The following CALCR variants were observed in gnomAD, a reference collection of about 807,000 sequenced individuals.
CALCR encodes calcitonin receptor.
In CALCR, 47 loss-of-function variants were observed where a neutral mutation model predicts 59.5. The ratio of observed to expected loss-of-function variants is 0.79; its 90% CI spans 0.63 to 1.01. The LOEUF is 1.01. CALCR is among the 50% of genes least tolerant of loss of function. CALCR has a pLI of 0.00. For missense variants in CALCR, 566 were observed against 597.1 expected (o/e 0.95, Z 0.54); for synonymous variants, 213 against 211.3 (o/e 1.01, Z -0.07).
At chr7:93,487,904 A>G (rs1800984920) in intron 2 of CALCR, among the ~76,000 whole-genome samples, 1 of 151,608 alleles carries the variant, frequency 6.6e-6, no homozygotes, top group Non-Finnish European at 1.5e-5. Flanking sequence ...GGAAATACAG[A>G]GAACACCACT....
rs868488271 is a variant in CALCR, at chr7:93,532,602, C to G, written c.-27+41687G>C. Among the ~76,000 whole-genome samples the G allele has an allele frequency of 1.3e-4, 19 of 151,912 alleles. No homozygotes were observed. The Middle Eastern group carries it at 0.01, about 82-fold the overall frequency. On this transcript the variant is annotated intron_variant, in intron 2 of 13. Transcript: ENST00000426151. ...CAGTCAATGGCTGATATACATGAAACAAAATTATTAAAGCACTTTATATCA... is the reference window on the plus strand; with the variant it reads ...CAGTCAATGGCTGATATACATGAAAGAAAATTATTAAAGCACTTTATATCA...
chr7:93,428,243 T>C (rs1340452598), intron 13 of CALCR, among the ~76,000 whole-genome samples: 2 of 152,240 alleles, frequency 1.3e-5, no homozygotes, highest in South Asian at 2.1e-4. Flanking sequence ...TTAACTTATT[T>C]AATCCTCACA....
intron 2 of CALCR, among the ~76,000 whole-genome samples, chr7:93,502,312 T>G (rs980457580): frequency 6.6e-6 from 1 of 152,154 alleles, no homozygotes; most frequent in Non-Finnish European, 1.5e-5. Context: ...GATTAAGATC[T>G]CACAGTCAAT....
intron 2 of CALCR, among the ~76,000 whole-genome samples, chr7:93,544,152 C>T (rs1789222001): frequency 6.6e-6 from 1 of 151,568 alleles, no homozygotes; most frequent in Admixed American, 6.6e-5. Context: ...AAAACTATAT[C>T]CTGCTTACAT....
chr7:93,433,566 G>A (rs1182822094), intron 13 of CALCR, among the ~76,000 whole-genome samples: 73 of 152,154 alleles, frequency 4.8e-4, no homozygotes, highest in Admixed American at 4.8e-3. Context: ...CCTGAAAAAT[G>A]AGGAAGATTT....
At chr7:93,460,566 A>ATATATATAT (rs1399357588) in intron 8 of CALCR, among the ~76,000 whole-genome samples, 1 of 82,290 alleles carries the variant, frequency 1.2e-5, no homozygotes, top group African/African-American at 9.8e-5. Flanking sequence ...AAAAAAAAAA[A>ATATATATAT]AAAAAAATAT....
chr7:93,451,620 G>A (rs1177934167), intron 8 of CALCR, among the ~76,000 whole-genome samples: 1 of 151,852 alleles, frequency 6.6e-6, no homozygotes. Flanking sequence ...CACTTCATGG[G>A]GTCATCACAC....
chr7:93,504,652 C>A (rs1368924691), intron 2 of CALCR, among the ~76,000 whole-genome samples: 1 of 152,098 alleles, frequency 6.6e-6, no homozygotes, highest in Non-Finnish European at 1.5e-5. Flanking sequence ...TATTCCTTTT[C>A]TTTCCTTTTT....
chr7:93,554,265 A>C, intron 2 of CALCR, among the ~76,000 whole-genome samples: 1 of 152,196 alleles, frequency 6.6e-6, no homozygotes, highest in East Asian at 1.9e-4. Context: ...CATCATTTCT[A>C]TTACAAGTCA....
intron 2 of CALCR, among the ~76,000 whole-genome samples, chr7:93,560,387 T>C (rs1789718234): frequency 6.6e-6 from 1 of 152,086 alleles, no homozygotes. Context: ...ACTATTGGTA[T>C]CTATAATTTT....
intron 2 of CALCR, among the ~76,000 whole-genome samples, chr7:93,540,871 A>T (rs1263854699): frequency 6.6e-6 from 1 of 151,394 alleles, no homozygotes; most frequent in Non-Finnish European, 1.5e-5. Flanking sequence ...TTTCTCTGTA[A>T]ATCAACTTAA....
Position 93,480,826 on chromosome 7 carries a change from C to T in CALCR, c.52-1319G>A, listed in dbSNP as rs532169554. 4.6e-5 allele frequency among the ~76,000 whole-genome samples: 7 copies of T among 151,736 alleles called. No homozygotes were observed. The East Asian group carries it at 7.8e-4, about 17-fold the overall frequency. On this transcript the variant is annotated intron_variant, in intron 3 of 13. Transcript: ENST00000426151. ...TTTCTGCATAGGCACAAGGGGGGGT[C>T]GAGAAGCCTTTTGGGATGGAGGGAC...
intron 9 of CALCR, among the ~76,000 whole-genome samples, chr7:93,439,651 C>T (rs904323677): frequency 1.3e-5 from 2 of 151,842 alleles, no homozygotes; most frequent in African/African-American, 4.8e-5. Context: ...AGATCCATAA[C>T]AACCCATTCT....
intron 2 of CALCR, among the ~76,000 whole-genome samples, chr7:93,572,960 G>A (rs940441268): frequency 6.6e-6 from 1 of 152,136 alleles, no homozygotes; most frequent in East Asian, 1.9e-4. Context: ...CTACAGGTTA[G>A]AGGCATTGAA....
intron 9 of CALCR, among the ~76,000 whole-genome samples, chr7:93,439,506 T>A (rs759591455): frequency 2.6e-5 from 4 of 152,198 alleles, no homozygotes; most frequent in Non-Finnish European, 4.4e-5. Flanking sequence ...TTCTACTTCA[T>A]CTGGAGACGA....
chr7:93,457,452 A>C (rs780312296), intron 8 of CALCR, among the ~76,000 whole-genome samples: 6 of 152,160 alleles, frequency 3.9e-5, no homozygotes, highest in Non-Finnish European at 8.8e-5. Flanking sequence ...GTGGATAAGA[A>C]GTCCCTTTTA....
chr7:93,571,940 G>A lies in CALCR; in HGVS notation c.-27+2349C>T, dbSNP rs150461444. Among the ~76,000 whole-genome samples, 457 of 152,242 alleles carry A rather than the reference G, an allele frequency of 3.0e-3. 2 individuals carry two copies. Among genetic ancestry groups the A allele is most frequent in the African/African-American group, 0.011 (444 of 41,562 alleles). On this transcript the variant is annotated intron_variant, in intron 2 of 13. Coordinates refer to ENST00000426151, the MANE Select transcript of CALCR (RefSeq NM_001742.4). ...TCTTTCTCCTCTTTCAAAAGGGTACGTATTTGTACTTTACACAGTATACAG... is the reference window on the plus strand; with the variant it reads ...TCTTTCTCCTCTTTCAAAAGGGTACATATTTGTACTTTACACAGTATACAG...
intron 6 of CALCR, among the ~76,000 whole-genome samples, chr7:93,469,270 A>G (rs77953177): frequency 1.3e-5 from 2 of 151,400 alleles, no homozygotes; most frequent in African/African-American, 4.8e-5. Context: ...AAATGATATC[A>G]TTAGTATTTA....
chr7:93,511,081 T>TTC (rs1210781088), intron 2 of CALCR, among the ~76,000 whole-genome samples: 6 of 143,292 alleles, frequency 4.2e-5, no homozygotes, highest in African/African-American at 1.0e-4. Flanking sequence ...CTCTCTCTCT[T>TTC]TCTCTCTCTC....
Sources: gnomAD v4.1 joint callset for allele counts (sites outside exome capture counted in the v4.1 genomes callset) on GRCh38, gnomAD v4.1.1 for gene constraint, MANE v1.5 for transcripts, NCBI Gene and HGNC (gene_info 2026-07-23, HGNC 2026-07-21) for gene names.